The following ADGRL3 variants were observed in gnomAD, a reference collection of about 807,000 sequenced individuals.
ADGRL3 encodes adhesion G protein-coupled receptor L3.
In ADGRL3, 62 loss-of-function variants were observed where a neutral mutation model predicts 153.5. The ratio of observed to expected loss-of-function variants is 0.40; its 90% confidence interval spans 0.33 to 0.50. The LOEUF (loss-of-function observed/expected upper bound fraction) is 0.50. ADGRL3 is among the 20% of genes least tolerant of loss of function. The pLI, the probability that ADGRL3 is intolerant of heterozygous loss-of-function variation, is 0.47. For missense variants in ADGRL3, 1,641 were observed against 1,859.4 expected (o/e 0.88, Z 2.16); for synonymous variants, 710 against 672.5 (o/e 1.06, Z -0.86).
chr4:61,985,030 T>G (rs918863649), intron 19 of ADGRL3, among the ~76,000 whole-genome samples: 7 of 151,614 alleles, frequency 4.6e-5, no homozygotes, highest in Non-Finnish European at 7.4e-5. Context: ...ATGGGCCAAA[T>G]GAAAGGGAAA....
chr4:61,800,041 A>G (rs1020846595), intron 8 of ADGRL3, among the ~76,000 whole-genome samples: 7 of 152,166 alleles, frequency 4.6e-5, no homozygotes, highest in Non-Finnish European at 7.3e-5. Flanking sequence ...CTTCAATGCC[A>G]TGGCACGACA....
intron 5 of ADGRL3, among the ~76,000 whole-genome samples, chr4:61,656,850 ATTTGGACATT>A (rs2094455689): frequency 6.6e-6 from 1 of 152,154 alleles, no homozygotes; most frequent in Non-Finnish European, 1.5e-5. Flanking sequence ...TTAGATGTCC[ATTTGGACATT>A]TCAGCTGCTT....
At chr4:61,288,200 T>C (rs1273910052) in intron 1 of ADGRL3, among the ~76,000 whole-genome samples, 4 of 151,972 alleles carry the variant, frequency 2.6e-5, no homozygotes, top group Non-Finnish European at 5.9e-5. Flanking sequence ...CCTTACTCTC[T>C]CCCTAAGGTA....
chr4:61,248,863 A>G (rs1469221935), intron 1 of ADGRL3, among the ~76,000 whole-genome samples: 2 of 152,306 alleles, frequency 1.3e-5, no homozygotes, highest in South Asian at 2.1e-4. Flanking sequence ...GAGCTTGTTT[A>G]TCGAGCTACA....
chr4:61,467,772 A>G (rs2097903245), intron 2 of ADGRL3, among the ~76,000 whole-genome samples: 4 of 152,148 alleles, frequency 2.6e-5, no homozygotes, highest in Non-Finnish European at 5.9e-5. Flanking sequence ...TTAAGAAATT[A>G]AATATTGATG....
At chr4:61,793,524 G>T (rs1021244466) in intron 8 of ADGRL3, among the ~76,000 whole-genome samples, 6 of 152,120 alleles carry the variant, frequency 3.9e-5, no homozygotes, top group Admixed American at 6.5e-5. Flanking sequence ...CTCCCACTGG[G>T]TCCCTCCCAC....
intron 6 of ADGRL3, among the ~76,000 whole-genome samples, chr4:61,694,972 G>A (rs1036021671): frequency 6.6e-6 from 1 of 152,116 alleles, no homozygotes; most frequent in Admixed American, 6.6e-5. Context: ...CCACAAGATT[G>A]CAGCAATTCA....
At chr4:61,460,401 A>G (rs914398762) in intron 2 of ADGRL3, among the ~76,000 whole-genome samples, 6 of 152,282 alleles carry the variant, frequency 3.9e-5, no homozygotes, top group South Asian at 2.1e-4. Flanking sequence ...TTGCAGCAAC[A>G]TAGATGGAAC....
chr4:61,923,746 G>A (rs1195214982), intron 13 of ADGRL3, among the ~76,000 whole-genome samples: 2 of 152,102 alleles, frequency 1.3e-5, no homozygotes, highest in Non-Finnish European at 2.9e-5. Flanking sequence ...GACCTCTTAT[G>A]TGAACTTATA....
chr4:61,577,998 A>G (rs1258187561), intron 4 of ADGRL3, among the ~76,000 whole-genome samples: 1 of 152,066 alleles, frequency 6.6e-6, no homozygotes, highest in African/African-American at 2.4e-5. Flanking sequence ...TGTTAAGAAA[A>G]AAAGTTCCTG....
At chr4:61,369,846 A>T (rs1018815895) in intron 1 of ADGRL3, among the ~76,000 whole-genome samples, 1 of 152,048 alleles carries the variant, frequency 6.6e-6, no homozygotes, top group Non-Finnish European at 1.5e-5. Context: ...TCGGCTGTGA[A>T]TCCATCTGGT....
At chr4:61,607,684 T>C (rs2099037965) in intron 5 of ADGRL3, among the ~76,000 whole-genome samples, 1 of 152,196 alleles carries the variant, frequency 6.6e-6, no homozygotes, top group South Asian at 2.1e-4. Flanking sequence ...AACCTCTGGC[T>C]ACCTGACTCC....
intron 6 of ADGRL3, among the ~76,000 whole-genome samples, chr4:61,694,188 T>A (rs1312645349): frequency 4.8e-3 from 83 of 17,348 alleles, no homozygotes; most frequent in Non-Finnish European, 5.1e-3. Context: ...TATTTTTTTT[T>A]TTTTTTTTTT....
At chr4:61,770,081 G>A (rs552325728) in intron 8 of ADGRL3, among the ~76,000 whole-genome samples, 8 of 152,110 alleles carry the variant, frequency 5.3e-5, no homozygotes, top group Admixed American at 2.0e-4. Context: ...AGATCTTAGA[G>A]TTTTATTCTA....
intron 1 of ADGRL3, among the ~76,000 whole-genome samples, chr4:61,203,470 T>C (rs1395554021): frequency 2.6e-5 from 4 of 152,318 alleles, no homozygotes; most frequent in Middle Eastern, 3.4e-3. Context: ...GCACCTCTGA[T>C]TTTACATCCT....
intron 3 of ADGRL3, among the ~76,000 whole-genome samples, chr4:61,515,666 T>C (rs925573300): frequency 2.0e-5 from 3 of 152,190 alleles, no homozygotes; most frequent in Non-Finnish European, 4.4e-5. Flanking sequence ...GATAAAATCT[T>C]TCAATTTTTG....
At chr4:61,946,691 T>C (rs1291995150) in intron 15 of ADGRL3, among the ~76,000 whole-genome samples, 1 of 152,188 alleles carries the variant, frequency 6.6e-6, no homozygotes, top group Non-Finnish European at 1.5e-5. Context: ...GTTTTGAGTA[T>C]GGAGTGAGAT....
intron 8 of ADGRL3, among the ~76,000 whole-genome samples, chr4:61,788,831 CTAAT>C (rs1462420945): frequency 6.6e-6 from 1 of 152,118 alleles, no homozygotes; most frequent in Admixed American, 6.5e-5. Flanking sequence ...ATTAAGGAAA[CTAAT>C]TAGTGCTTTT....
chr4:61,253,649 C>T (rs1422829926), intron 1 of ADGRL3, among the ~76,000 whole-genome samples: 1 of 151,010 alleles, frequency 6.6e-6, no homozygotes, highest in African/African-American at 2.4e-5. Context: ...TGACATGGAC[C>T]TATTTTGTAA....
Sources: gnomAD v4.1 joint callset for allele counts (sites outside exome capture counted in the v4.1 genomes callset) on GRCh38, gnomAD v4.1.1 for gene constraint, MANE v1.5 for transcripts, NCBI Gene and HGNC (gene_info 2026-07-23, HGNC 2026-07-21) for gene names.